TMEM213: variants seen among roughly 807,000 people sequenced by gnomAD.
The protein encoded by TMEM213 is transmembrane protein 213.
A neutral mutation model predicts 11.6 loss-of-function variants in TMEM213; 7 were observed. The ratio of observed to expected loss-of-function variants is 0.60; its 90% CI spans 0.34 to 1.13. The LOEUF is 1.13. Ranked by LOEUF, TMEM213 falls within the 50% of genes most tolerant of loss-of-function variation. The pLI is 0.03. For synonymous variants in TMEM213, 60 were observed against 58.3 expected (o/e 1.03, Z -0.13); for missense variants, 129 against 139.0 (o/e 0.93, Z 0.36).
Position 138,805,550 on chromosome 7 carries a change from A to G in TMEM213, c.*2481A>G, listed in dbSNP as rs1252889690. 1 of 152,228 alleles carries G rather than the reference A, an allele frequency of 6.6e-6. No homozygotes were observed. Among genetic ancestry groups the G allele is most frequent in the Non-Finnish European group, 1.5e-5 (1 of 68,030 alleles). The allele number at this position is 152,228 out of a possible 1,614,324, so 9.4% of individuals were successfully genotyped here. A position where few individuals can be genotyped will look rare whatever the true frequency, so the allele number is the denominator to read the frequency against. ...GAGATGAAAAGATTCATTAAGGTGC[A>G]TGCTTTGATTTAACATCTGCAAACA... On this transcript the variant is annotated 3_prime_UTR_variant, in exon 3 of 3. Coordinates refer to ENST00000442682, the MANE Select transcript of TMEM213 (RefSeq NM_001085429.2).
chr7:138,800,707 T>TTCTTCTTCTTCTTCTTCTTCTTCTTCTTC (rs1563030199), intron 1 of TMEM213, among the ~76,000 whole-genome samples: 3 of 123,264 alleles, frequency 2.4e-5, no homozygotes, highest in African/African-American at 1.0e-4. Flanking sequence ...TCTTCTTCTT[T>TTCTTCTTCTTCTTCTTCTTCTTCTTCTTC]TTTTTTTTTT....
At position 138,802,958 on chromosome 7, in the gene TMEM213, C is replaced by A. The variant is rs372417532; in HGVS notation, c.213C>A (p.Gly71=). Residue 71 remains glycine, a synonymous_variant, in exon 3 of 3, where the codon GGC becomes GGA. Coordinates refer to ENST00000442682, the MANE Select transcript of TMEM213 (RefSeq NM_001085429.2). Reference sequence around the variant, plus strand: ...GCCGCACAGGAGTGGACGAGTACGGCTGGATCGCGGCAGCTGTTGGCTGGA... The same window carrying A: ...GCCGCACAGGAGTGGACGAGTACGGATGGATCGCGGCAGCTGTTGGCTGGA... ...RCCRTGVDEY[G]WIAAAVGWSL... 9.9e-6 allele frequency: 16 copies of A among 1,612,214 alleles called. No individual in the cohort carries two copies. Among genetic ancestry groups the A allele is most frequent in the Middle Eastern group, 1.6e-4 (1 of 6,080 alleles).
rs1263840733 is a variant in TMEM213, at chr7:138,798,005, C to T, written c.-100C>T. 1.3e-6 allele frequency: 2 copies of T among 1,549,052 alleles called. No homozygotes were observed. Among genetic ancestry groups the T allele is most frequent in the East Asian group, 2.4e-5 (1 of 40,856 alleles). The stretch of plus-strand genomic sequence containing the variant: ...AGTTCACCTCTGGCAGAGTTGCTTT[C>T]CAGCTCCTGCAGGTGGGAGTCGACT... On this transcript the variant is annotated 5_prime_UTR_variant, in exon 1 of 3. Transcript: ENST00000442682.
At chr7:138,802,493 G>A (rs1002292636) in intron 2 of TMEM213, among the ~76,000 whole-genome samples, 3 of 150,812 alleles carry the variant, frequency 2.0e-5, no homozygotes. Flanking sequence ...AGAAGTTGCA[G>A]TGAGCTGAGA....
intron 2 of TMEM213, chr7:138,801,752 G>A (rs370818349): frequency 1.2e-4 from 32 of 264,930 alleles, no homozygotes; most frequent in Middle Eastern, 1.3e-3. Flanking sequence ...TGGTTTTGGC[G>A]TCCTTGGCAT....
At chr7:138,802,556 G>GA (rs11424575) in intron 2 of TMEM213, among the ~76,000 whole-genome samples, 107,595 of 141,062 alleles carry the variant, frequency 0.76, 42,447 homozygotes, top group South Asian at 0.91. Context: ...GTCTCAAAAA[G>GA]AAAAAAAAAA....
intron 1 of TMEM213, chr7:138,798,408 A>C: frequency 1.8e-6 from 1 of 561,444 alleles, no homozygotes; most frequent in Admixed American, 3.1e-5. Context: ...CGGAGATCAG[A>C]TACTCAATTC....
chr7:138,800,590 C>T (rs563161890), intron 1 of TMEM213, among the ~76,000 whole-genome samples: 3 of 152,210 alleles, frequency 2.0e-5, no homozygotes, highest in East Asian at 3.9e-4. Flanking sequence ...TTGATTTCTC[C>T]TGAGGCCTCC....
At chr7:138,799,633 G>A (rs553726472) in intron 1 of TMEM213, 1 of 152,270 alleles carries the variant, frequency 6.6e-6, no homozygotes, top group South Asian at 2.1e-4. Context: ...CTTTGGAAGA[G>A]GACAACTTCC....
rs1415198276 is a variant in TMEM213 at position 138,798,658 on chromosome 7, C to T, written c.82+472C>T. On this transcript the variant is annotated intron_variant, in intron 1 of 2. Coordinates refer to ENST00000442682, the MANE Select transcript of TMEM213 (RefSeq NM_001085429.2). The stretch of plus-strand genomic sequence containing the variant: ...CTCCCTGCCCCTTGTACTTTCTCTG[C>T]GACTTTCACAAAACCTGACTGCCAG... Among the ~76,000 whole-genome samples, 9 of 152,186 alleles carry T rather than the reference C, an allele frequency of 5.9e-5. No individual in the cohort carries two copies. The East Asian group carries it at 1.6e-3, about 26-fold the overall frequency.
intron 1 of TMEM213, among the ~76,000 whole-genome samples, chr7:138,800,705 T>TTCTTC (rs1491478661): frequency 7.4e-4 from 43 of 57,910 alleles, no homozygotes; most frequent in African/African-American, 2.5e-3. Context: ...CTTCTTCTTC[T>TTCTTC]TTTTTTTTTT....
intron 2 of TMEM213, 55 bp downstream of exon 2, chr7:138,801,453 G>A: frequency 6.6e-7 from 1 of 1,514,808 alleles, no homozygotes; most frequent in Non-Finnish European, 9.0e-7. Context: ...AGCCTGGGAG[G>A]GAAACAAAGG....
intron 2 of TMEM213, 149 bp downstream of exon 2, chr7:138,801,547 T>A: frequency 1.4e-6 from 1 of 720,568 alleles, no homozygotes; most frequent in Non-Finnish European, 2.3e-6. Context: ...GTCCCAGAAC[T>A]ATTTGCAGAG....
Position 138,802,887 on chromosome 7 carries a change from C to T in TMEM213, c.155-13C>T, listed in dbSNP as rs1471625084. 1 of 1,545,584 alleles carries T rather than the reference C, an allele frequency of 6.5e-7. No individual in the cohort carries two copies. The highest frequency in any genetic ancestry group is 8.7e-7 in the Non-Finnish European group (1 of 1,151,662). ...GGTGCATGCCGTCGTCCTTGCTGTC[C>T]CTTCCCCACCAGACGTGGACTTCTG... On this transcript the variant is annotated splice_polypyrimidine_tract_variant and intron_variant, in intron 2 of 2. Transcript: ENST00000442682.
rs944656503 is a variant in TMEM213, at chr7:138,805,433, G to T, written c.*2364G>T. Reference sequence around the variant, plus strand: ...AAAAAGCGTCTGCATAATTCCTGGTGCATTTTGTGGATATACAATATGAGT... The same window carrying T: ...AAAAAGCGTCTGCATAATTCCTGGTTCATTTTGTGGATATACAATATGAGT... On this transcript the variant is annotated 3_prime_UTR_variant, in exon 3 of 3. Coordinates refer to ENST00000442682, the MANE Select transcript of TMEM213 (RefSeq NM_001085429.2). 1 of 150,936 alleles carries T rather than the reference G, an allele frequency of 6.6e-6. No individual in the cohort carries two copies. Among genetic ancestry groups the T allele is most frequent in the Non-Finnish European group, 1.5e-5 (1 of 67,908 alleles). The allele number at this position is 150,936 out of a possible 1,614,324, so 9.3% of individuals were successfully genotyped here. A position where few individuals can be genotyped will look rare whatever the true frequency, so the allele number is the denominator to read the frequency against.
Position 138,803,778 on chromosome 7 carries a change from A to AG in TMEM213, c.*710dup, listed in dbSNP as rs1222181424. The AG allele has an allele frequency of 4.8e-5, 4 of 83,744 alleles. No individual in the cohort carries two copies. The highest frequency in any genetic ancestry group is 9.1e-5 in the African/African-American group (2 of 21,944). 5.2% of individuals were successfully genotyped at this position (83,744 alleles called of 1,614,324 possible). On this transcript the variant is annotated 3_prime_UTR_variant, in exon 3 of 3. Coordinates refer to ENST00000442682, the MANE Select transcript of TMEM213 (RefSeq NM_001085429.2). ...GGGCGGCAGAGCAAGACTCTGTATC[A>AG]GAAAAAAAAAAAAAAAAAAGAATGT...
In TMEM213 at chr7:138,798,915, C is replaced by T. The variant is rs887039642; in HGVS notation, c.82+729C>T. ...ACACCACCACACTCTCTATGCCCTG[C>T]AACACTCCTGCTCCCAAAACCAACC... On this transcript the variant is annotated intron_variant, in intron 1 of 2. Transcript: ENST00000442682. 2.6e-5 allele frequency among the ~76,000 whole-genome samples: 4 copies of T among 152,130 alleles called. No homozygotes were observed. In the South Asian group the frequency reaches 8.3e-4, roughly 32 times the overall value.
chr7:138,803,250 A>T lies in TMEM213; in HGVS notation c.*181A>T, dbSNP rs140344675. ...TAAGGCAAGCCAGTGCTGCCCTTGC[A>T]TGTCACTCCCAAGGGCCCCTGGGCT... On this transcript the variant is annotated 3_prime_UTR_variant, in exon 3 of 3. Coordinates refer to ENST00000442682, the MANE Select transcript of TMEM213 (RefSeq NM_001085429.2). 1,371 of 748,902 alleles carry T rather than the reference A, an allele frequency of 1.8e-3. 13 individuals carry two copies. The East Asian group carries it at 0.035, about 19-fold the overall frequency. 46.4% of individuals were successfully genotyped at this position (748,902 alleles called of 1,614,324 possible). A position where few individuals can be genotyped will look rare whatever the true frequency, so the allele number is the denominator to read the frequency against.
intron 2 of TMEM213, 31 bp downstream of exon 2, chr7:138,801,429 C>T: frequency 1.9e-6 from 3 of 1,581,994 alleles, no homozygotes; most frequent in Middle Eastern, 1.7e-4. Flanking sequence ...GCTCTAACCC[C>T]AGAACTGGCC....
Sources: allele counts gnomAD v4.1 joint callset (sites outside exome capture counted in the v4.1 genomes callset), GRCh38; gene constraint gnomAD v4.1.1; transcripts MANE v1.5; gene names NCBI Gene and HGNC (gene_info 2026-07-23, HGNC 2026-07-21).